The following ADGRL3 variants were observed in gnomAD, a reference collection of about 807,000 sequenced individuals.
The protein encoded by ADGRL3 is adhesion G protein-coupled receptor L3, also known as calcium-independent alpha-latrotoxin receptor 3.
ADGRL3 carries 62 observed loss-of-function variants against 153.5 expected under a neutral mutation model. The ratio of observed to expected loss-of-function variants is 0.40; its 90% CI spans 0.33 to 0.50. The LOEUF (loss-of-function observed/expected upper bound fraction) is 0.50, where lower values mean the gene tolerates loss of function less well. Ranked by LOEUF, ADGRL3 falls within the 20% of genes least tolerant of loss-of-function variation. The pLI, the probability that ADGRL3 is intolerant of heterozygous loss-of-function variation, is 0.47. For synonymous variants in ADGRL3, 710 were observed against 672.5 expected, an observed-to-expected ratio of 1.06 and a Z score of -0.86; for missense variants, 1,641 against 1,859.4, an observed-to-expected ratio of 0.88 and a Z score of 2.16.
At chr4:61,950,464 ATAT>A (rs1213235033) in intron 17 of ADGRL3, among the ~76,000 whole-genome samples, 1 of 152,242 alleles carries the variant, frequency 6.6e-6, no homozygotes, top group Non-Finnish European at 1.5e-5. Flanking sequence ...AAACATAAAG[ATAT>A]TATATATCAT....
intron 8 of ADGRL3, 137 bp downstream of exon 8, chr4:61,733,691 C>T: frequency 1.5e-6 from 1 of 663,962 alleles, no homozygotes; most frequent in South Asian, 2.0e-5. Flanking sequence ...GTCTTTGCAT[C>T]TAAAGAAGGT....
intron 23 of ADGRL3, among the ~76,000 whole-genome samples, chr4:62,036,947 T>C (rs1725333384): frequency 6.6e-6 from 1 of 152,090 alleles, no homozygotes; most frequent in Admixed American, 6.6e-5. Flanking sequence ...CAAAAGTTGA[T>C]ATATTTCTCT....
intron 2 of ADGRL3, among the ~76,000 whole-genome samples, chr4:61,451,989 C>T (rs1258060480): frequency 6.6e-6 from 1 of 152,184 alleles, no homozygotes; most frequent in Non-Finnish European, 1.5e-5. Context: ...CCATTGCCAT[C>T]TACCTACATA....
chr4:61,525,077 G>A (rs1441228050), intron 4 of ADGRL3, among the ~76,000 whole-genome samples: 1 of 151,990 alleles, frequency 6.6e-6, no homozygotes, highest in Non-Finnish European at 1.5e-5. Context: ...AGAAAGAATA[G>A]GTAAACCAGA....
At chr4:61,711,458 T>TTTTTTATATATATATATATATA (rs1491302780) in intron 6 of ADGRL3, among the ~76,000 whole-genome samples, 1 of 34,662 alleles carries the variant, frequency 2.9e-5, no homozygotes, top group African/African-American at 1.0e-4. Flanking sequence ...ATATGCTTCA[T>TTTTTTATATATATATATATATA]TATATATATA....
intron 24 of ADGRL3, among the ~76,000 whole-genome samples, chr4:62,041,694 T>G (rs1340310887): frequency 6.6e-6 from 1 of 152,128 alleles, no homozygotes; most frequent in African/African-American, 2.4e-5. Flanking sequence ...TTATTAAACC[T>G]TTGTTTAAAA....
intron 19 of ADGRL3, among the ~76,000 whole-genome samples, chr4:61,986,456 T>G (rs534575774): frequency 3.3e-5 from 5 of 152,320 alleles, no homozygotes; most frequent in African/African-American, 1.2e-4. Context: ...GAATCAATAA[T>G]ATGTAGCCTC....
intron 17 of ADGRL3, among the ~76,000 whole-genome samples, chr4:61,963,851 T>A (rs2098996998): frequency 6.6e-6 from 1 of 152,144 alleles, no homozygotes; most frequent in Admixed American, 6.6e-5. Context: ...TCATCTGCAA[T>A]TCTAGTGAGA....
intron 8 of ADGRL3, among the ~76,000 whole-genome samples, chr4:61,757,762 G>A (rs377485336): frequency 1.4e-4 from 21 of 152,082 alleles, no homozygotes; most frequent in South Asian, 1.2e-3. Flanking sequence ...GCATTTAGTG[G>A]TATAAATTTC....
chr4:61,221,120 G>A (rs1745268447), intron 1 of ADGRL3, among the ~76,000 whole-genome samples: 1 of 152,148 alleles, frequency 6.6e-6, no homozygotes. Flanking sequence ...TATGAGCTCA[G>A]AGACCTTTAT....
chr4:61,743,484 T>C (rs1394736570), intron 8 of ADGRL3, among the ~76,000 whole-genome samples: 1 of 152,152 alleles, frequency 6.6e-6, no homozygotes, highest in African/African-American at 2.4e-5. Flanking sequence ...AAGAAACTTT[T>C]GCCTTTCAAA....
At chr4:61,516,459 C>G (rs1258942891) in intron 3 of ADGRL3, among the ~76,000 whole-genome samples, 1 of 151,992 alleles carries the variant, frequency 6.6e-6, no homozygotes, top group East Asian at 1.9e-4. Flanking sequence ...ATTTATTAAA[C>G]TAGTTGCAAA....
intron 5 of ADGRL3, among the ~76,000 whole-genome samples, chr4:61,674,689 TCATATC>T (rs1444487104): frequency 6.6e-6 from 1 of 151,944 alleles, no homozygotes; most frequent in Non-Finnish European, 1.5e-5. Flanking sequence ...CTTTATGAGT[TCATATC>T]CCTGCCTATT....
intron 1 of ADGRL3, among the ~76,000 whole-genome samples, chr4:61,271,917 T>C (rs1029682703): frequency 6.6e-6 from 1 of 152,028 alleles, no homozygotes; most frequent in Non-Finnish European, 1.5e-5. Context: ...ATTTGTGTGA[T>C]GTTTAATGCA....
chr4:61,581,455 G>A (rs1332920809), intron 4 of ADGRL3, among the ~76,000 whole-genome samples: 1 of 151,912 alleles, frequency 6.6e-6, no homozygotes, highest in Non-Finnish European at 1.5e-5. Context: ...TGCCCTCCAC[G>A]GGACAATTCC....
chr4:61,283,779 A>G (rs2150032427), intron 1 of ADGRL3, among the ~76,000 whole-genome samples: 1 of 152,066 alleles, frequency 6.6e-6, no homozygotes, highest in East Asian at 1.9e-4. Flanking sequence ...CTGGCTTCTT[A>G]CCCTGTTTGC....
intron 21 of ADGRL3, among the ~76,000 whole-genome samples, chr4:61,998,609 C>T (rs2099129903): frequency 1.4e-5 from 2 of 146,642 alleles, no homozygotes; most frequent in Admixed American, 6.9e-5. Context: ...GAGTTTCGTT[C>T]TTGTTGCCCA....
intron 1 of ADGRL3, among the ~76,000 whole-genome samples, chr4:61,246,499 G>T (rs1007333359): frequency 6.6e-6 from 1 of 151,892 alleles, no homozygotes; most frequent in Non-Finnish European, 1.5e-5. Flanking sequence ...ACCCAAATTT[G>T]TTTTGGTTTT....
At chr4:61,971,418 T>G (rs954310342) in intron 17 of ADGRL3, among the ~76,000 whole-genome samples, 1 of 152,194 alleles carries the variant, frequency 6.6e-6, no homozygotes, top group Non-Finnish European at 1.5e-5. Flanking sequence ...TTTGGTTTTT[T>G]GTCCTTGCAG....
Sources: allele counts gnomAD v4.1 joint callset (sites outside exome capture counted in the v4.1 genomes callset), GRCh38; gene constraint gnomAD v4.1.1; transcripts MANE v1.5; gene names NCBI Gene and HGNC (gene_info 2026-07-23, HGNC 2026-07-21).